CNTN3: variants seen among roughly 807,000 people sequenced by gnomAD.
CNTN3 encodes contactin-3.
A neutral mutation model predicts 119.1 loss-of-function variants in CNTN3; 60 were observed. That is an observed-to-expected ratio of 0.50 (90% CI 0.41 to 0.62). CNTN3 has a LOEUF of 0.62. Ranked by LOEUF, CNTN3 falls within the 20% of genes least tolerant of loss-of-function variation. The probability of loss-of-function intolerance (pLI) is 0.00; values close to 1 mark genes in which losing one functional copy is unlikely to be tolerated. For synonymous variants in CNTN3, 450 were observed against 438.7 expected (o/e 1.03, Z -0.32); for missense variants, 1,101 against 1,242.4 (o/e 0.89, Z 1.71).
intron 4 of CNTN3, among the ~76,000 whole-genome samples, chr3:74,466,818 T>C (rs757366277): frequency 8.5e-5 from 13 of 152,166 alleles, no homozygotes; most frequent in South Asian, 4.1e-4. Flanking sequence ...ATAAAAGAAA[T>C]GAATGTACCT....
rs561555420 is a variant in CNTN3, at chr3:74,384,845, T to C, written c.455-13446A>G. 6.6e-5 allele frequency among the ~76,000 whole-genome samples: 10 copies of C among 152,348 alleles called. No individual in the cohort carries two copies. In the East Asian group the frequency reaches 1.9e-3, roughly 29 times the overall value. ...TATAGGGCTCTGGGAATTACTGAACTGCTCATATTTGTTTTGTACCAAATT... is the reference window on the plus strand; with the variant it reads ...TATAGGGCTCTGGGAATTACTGAACCGCTCATATTTGTTTTGTACCAAATT... On this transcript the variant is annotated intron_variant, in intron 5 of 22. Coordinates refer to ENST00000263665, the MANE Select transcript of CNTN3 (RefSeq NM_020872.3).
chr3:74,455,931 G>C (rs575862411), intron 4 of CNTN3, among the ~76,000 whole-genome samples: 2 of 152,212 alleles, frequency 1.3e-5, no homozygotes, highest in East Asian at 3.9e-4. Context: ...AAATTCCCCA[G>C]TGAAGCTGAT....
intron 1 of CNTN3, among the ~76,000 whole-genome samples, chr3:74,593,817 T>C (rs1417949320): frequency 1.3e-5 from 2 of 151,972 alleles, no homozygotes; most frequent in Admixed American, 6.6e-5. Context: ...GTGTGAGAAA[T>C]GCCTCACGGA....
At chr3:74,407,780 A>T (rs1057379367) in intron 5 of CNTN3, among the ~76,000 whole-genome samples, 11 of 152,114 alleles carry the variant, frequency 7.2e-5, no homozygotes, top group African/African-American at 2.7e-4. Flanking sequence ...AATATATATA[A>T]ATAAAAAAAG....
intron 1 of CNTN3, among the ~76,000 whole-genome samples, chr3:74,538,729 G>T (rs1703799858): frequency 6.6e-6 from 1 of 152,136 alleles, no homozygotes; most frequent in South Asian, 2.1e-4. Context: ...TTTCTGTGAA[G>T]TAAGCTTCCC....
intron 1 of CNTN3, among the ~76,000 whole-genome samples, chr3:74,612,561 C>G (rs1705100481): frequency 6.6e-6 from 1 of 152,156 alleles, no homozygotes; most frequent in Non-Finnish European, 1.5e-5. Context: ...GCGGCCACAG[C>G]CTGAATCTAT....
chr3:74,348,317 T>C (rs758088335), intron 11 of CNTN3, among the ~76,000 whole-genome samples: 80 of 152,200 alleles, frequency 5.3e-4, no homozygotes, highest in Non-Finnish European at 1.0e-3. Flanking sequence ...TAAATATATG[T>C]AATTTTTACT....
intron 11 of CNTN3, among the ~76,000 whole-genome samples, chr3:74,345,763 C>T (rs1329066196): frequency 6.6e-6 from 1 of 152,180 alleles, no homozygotes; most frequent in East Asian, 1.9e-4. Context: ...TTCATTTCAT[C>T]TTACAGATGC....
chr3:74,287,178 T>C, intron 19 of CNTN3, among the ~76,000 whole-genome samples: 1 of 152,224 alleles, frequency 6.6e-6, no homozygotes, highest in Admixed American at 6.5e-5. Flanking sequence ...AATTTCTTGA[T>C]GAGGCAATAC....
At chr3:74,506,438 C>T (rs185729351) in intron 2 of CNTN3, among the ~76,000 whole-genome samples, 2 of 152,068 alleles carry the variant, frequency 1.3e-5, no homozygotes, top group African/African-American at 4.8e-5. Flanking sequence ...ATGTTTTTGG[C>T]AGAAAAACAG....
At chr3:74,512,199 T>A (rs1328918630) in intron 2 of CNTN3, among the ~76,000 whole-genome samples, 3 of 152,186 alleles carry the variant, frequency 2.0e-5, no homozygotes, top group Non-Finnish European at 4.4e-5. Context: ...GACTGAGGAA[T>A]CATAATTTAT....
At chr3:74,338,746 C>T (rs887820641) in intron 11 of CNTN3, among the ~76,000 whole-genome samples, 6 of 151,900 alleles carry the variant, frequency 3.9e-5, no homozygotes, top group African/African-American at 1.2e-4. Context: ...TTTTTTAAAA[C>T]TGTGTTAAGG....
intron 11 of CNTN3, among the ~76,000 whole-genome samples, chr3:74,344,397 G>GTT (rs1156579949): frequency 2.5e-4 from 8 of 32,562 alleles, no homozygotes; most frequent in Non-Finnish European, 4.3e-4. Context: ...TTACACAGTG[G>GTT]TTTTTTTTTT....
At chr3:74,565,176 T>A (rs1397677545) in intron 1 of CNTN3, among the ~76,000 whole-genome samples, 1 of 152,182 alleles carries the variant, frequency 6.6e-6, no homozygotes, top group Non-Finnish European at 1.5e-5. Flanking sequence ...ACAAATGCAA[T>A]GCCTTAGTGT....
chr3:74,595,354 A>C (rs1193296030), intron 1 of CNTN3, among the ~76,000 whole-genome samples: 8 of 151,736 alleles, frequency 5.3e-5, no homozygotes, highest in African/African-American at 1.9e-4. Flanking sequence ...TGTTTTAGAC[A>C]TGAAGTCCTT....
At chr3:74,526,934 T>A (rs973262706) in intron 1 of CNTN3, among the ~76,000 whole-genome samples, 1 of 151,868 alleles carries the variant, frequency 6.6e-6, no homozygotes, top group Non-Finnish European at 1.5e-5. Context: ...GGTCCCTTTT[T>A]AGAATCAGCC....
chr3:74,302,962 T>C (rs1271011457), intron 13 of CNTN3, among the ~76,000 whole-genome samples, 155 bp from the exon 14 acceptor site: 3 of 152,222 alleles, frequency 2.0e-5, no homozygotes, highest in Non-Finnish European at 2.9e-5. Flanking sequence ...CAATGGAATG[T>C]ATGGAAATAT....
intron 1 of CNTN3, among the ~76,000 whole-genome samples, chr3:74,559,023 G>C (rs551584423): frequency 2.2e-5 from 3 of 139,494 alleles, no homozygotes; most frequent in Admixed American, 7.4e-5. Flanking sequence ...TGCAGTCAAA[G>C]TTCATTTTAC....
intron 1 of CNTN3, among the ~76,000 whole-genome samples, chr3:74,554,981 G>C (rs1273078446): frequency 6.6e-6 from 1 of 152,176 alleles, no homozygotes; most frequent in Admixed American, 6.5e-5. Context: ...GGGCATCCTT[G>C]TCTTGTGCCG....
Sources: allele counts gnomAD v4.1 joint callset (sites outside exome capture counted in the v4.1 genomes callset), GRCh38; gene constraint gnomAD v4.1.1; transcripts MANE v1.5; gene names NCBI Gene and HGNC (gene_info 2026-07-23, HGNC 2026-07-21).